The following LRRC4C variants were observed in gnomAD, a reference collection of about 807,000 sequenced individuals.
LRRC4C encodes leucine-rich repeat-containing protein 4C.
A neutral mutation model predicts 33.6 loss-of-function variants in LRRC4C; 5 were observed. The observed-to-expected ratio is 0.15, with a 90% CI of 0.08 to 0.31. The LOEUF (loss-of-function observed/expected upper bound fraction) is 0.31. LRRC4C is among the 10% of genes least tolerant of loss of function. LRRC4C has a pLI of 1.00. For synonymous variants in LRRC4C, 329 were observed against 302.0 expected, an observed-to-expected ratio of 1.09 and a Z score of -0.93; for missense variants, 560 against 796.7, an observed-to-expected ratio of 0.70 and a Z score of 3.58.
At chr11:41,068,793 A>G (rs181327164) in intron 1 of LRRC4C, among the ~76,000 whole-genome samples, 1 of 152,148 alleles carries the variant, frequency 6.6e-6, no homozygotes, top group African/African-American at 2.4e-5. Context: ...AACAAACAAA[A>G]AAAATGCCCA....
At chr11:40,751,174 A>G (rs1395148992) in intron 2 of LRRC4C, among the ~76,000 whole-genome samples, 1 of 152,174 alleles carries the variant, frequency 6.6e-6, no homozygotes, top group East Asian at 1.9e-4. Context: ...ATCAAGGGGG[A>G]AAAGTTGGAA....
intron 3 of LRRC4C, among the ~76,000 whole-genome samples, chr11:40,559,719 C>T (rs963757053): frequency 6.6e-6 from 1 of 152,086 alleles, no homozygotes; most frequent in African/African-American, 2.4e-5. Flanking sequence ...TTTTAAAAAA[C>T]TCATTATTTT....
At chr11:40,259,875 A>G (rs1867549558) in intron 4 of LRRC4C, among the ~76,000 whole-genome samples, 1 of 152,058 alleles carries the variant, frequency 6.6e-6, no homozygotes, top group African/African-American at 2.4e-5. Context: ...CACCAGTTAG[A>G]ATGTCGATCA....
chr11:40,192,068 A>T (rs975743523), intron 5 of LRRC4C, among the ~76,000 whole-genome samples: 2 of 152,112 alleles, frequency 1.3e-5, no homozygotes, highest in African/African-American at 2.4e-5. Flanking sequence ...GTCTAATCTG[A>T]AAGATTAGAC....
chr11:40,749,371 C>T (rs1216150111), intron 2 of LRRC4C, among the ~76,000 whole-genome samples: 1 of 150,098 alleles, frequency 6.7e-6, no homozygotes, highest in Non-Finnish European at 1.5e-5. Context: ...TGAACAACCA[C>T]TGGGTCAACA....
intron 1 of LRRC4C, among the ~76,000 whole-genome samples, chr11:41,288,071 G>T (rs1297083151): frequency 2.6e-5 from 4 of 152,124 alleles, no homozygotes; most frequent in Non-Finnish European, 5.9e-5. Flanking sequence ...CTCTGTGCCA[G>T]GTTCTCTACT....
In LRRC4C at chr11:40,925,604, G is replaced by A. The variant is rs1300824546; in HGVS notation, c.-407+8031C>T. On this transcript the variant is annotated intron_variant, in intron 2 of 6. Transcript: ENST00000528697. Reference sequence around the variant, plus strand: ...CTAATTTATTCCTCCAGGTAGAATAGATAACAAAAGGAAAGTTATAATAGG... The same window carrying A: ...CTAATTTATTCCTCCAGGTAGAATAAATAACAAAAGGAAAGTTATAATAGG... Among the ~76,000 whole-genome samples the A allele has an allele frequency of 2.6e-5, 4 of 152,260 alleles. 1 individual carries two copies. Among genetic ancestry groups the A allele is most frequent in the South Asian group, 2.1e-4 (1 of 4,830 alleles).
chr11:41,376,241 A>G (rs986835926), intron 1 of LRRC4C, among the ~76,000 whole-genome samples: 2 of 152,152 alleles, frequency 1.3e-5, no homozygotes, highest in Non-Finnish European at 2.9e-5. Flanking sequence ...CCTGGCCACA[A>G]GGGAGTGTGC....
chr11:40,789,093 GAAAAA>G (rs397956716), intron 2 of LRRC4C, among the ~76,000 whole-genome samples: 2 of 63,530 alleles, frequency 3.1e-5, no homozygotes, highest in African/African-American at 1.3e-4. Flanking sequence ...TCCGTCTCGG[GAAAAA>G]AAAAAAAAAA....
chr11:41,164,026 A>G (rs1164443142), intron 1 of LRRC4C, among the ~76,000 whole-genome samples: 1 of 152,200 alleles, frequency 6.6e-6, no homozygotes, highest in Non-Finnish European at 1.5e-5. Flanking sequence ...TGTAATGATT[A>G]AATCAAAATG....
intron 1 of LRRC4C, among the ~76,000 whole-genome samples, chr11:41,149,362 C>G (rs997522839): frequency 1.3e-5 from 2 of 151,866 alleles, no homozygotes; most frequent in African/African-American, 4.8e-5. Flanking sequence ...AAAAAATTAG[C>G]CGGGCGCAGT....
At chr11:41,371,737 C>T (rs1318902205) in intron 1 of LRRC4C, among the ~76,000 whole-genome samples, 1 of 152,192 alleles carries the variant, frequency 6.6e-6, no homozygotes, top group African/African-American at 2.4e-5. Context: ...CTTTGCTGAA[C>T]TCCTACCTAC....
chr11:41,086,612 A>C (rs1940006520), intron 1 of LRRC4C, among the ~76,000 whole-genome samples: 1 of 152,152 alleles, frequency 6.6e-6, no homozygotes, highest in South Asian at 2.1e-4. Flanking sequence ...CTATATTTTT[A>C]ATATGAAAAG....
At chr11:41,104,659 A>G (rs1941390775) in intron 1 of LRRC4C, among the ~76,000 whole-genome samples, 1 of 151,954 alleles carries the variant, frequency 6.6e-6, no homozygotes, top group African/African-American at 2.4e-5. Context: ...AGACTTGTAT[A>G]TAAATGTTCG....
chr11:40,995,110 CTGAG>C (rs909272311), intron 1 of LRRC4C, among the ~76,000 whole-genome samples: 2 of 152,100 alleles, frequency 1.3e-5, no homozygotes, highest in African/African-American at 4.8e-5. Context: ...TTTTTGAGAA[CTGAG>C]TATTTTTTTC....
At chr11:41,301,077 A>G (rs1950271859) in intron 1 of LRRC4C, among the ~76,000 whole-genome samples, 1 of 152,092 alleles carries the variant, frequency 6.6e-6, no homozygotes, top group Non-Finnish European at 1.5e-5. Context: ...AGTTAGTGGA[A>G]CCACTGAATT....
At chr11:41,408,985 G>C (rs1165389118) in intron 1 of LRRC4C, among the ~76,000 whole-genome samples, 1 of 152,150 alleles carries the variant, frequency 6.6e-6, no homozygotes, top group Non-Finnish European at 1.5e-5. Flanking sequence ...GAACAGCAGG[G>C]CGAATGCCTC....
intron 1 of LRRC4C, among the ~76,000 whole-genome samples, chr11:41,243,551 A>T (rs931316950): frequency 1.3e-5 from 2 of 152,190 alleles, no homozygotes; most frequent in Non-Finnish European, 2.9e-5. Flanking sequence ...ATGTGTGGCC[A>T]TGACCAAGTT....
At chr11:40,274,510 A>C (rs528218301) in intron 4 of LRRC4C, among the ~76,000 whole-genome samples, 13 of 151,438 alleles carry the variant, frequency 8.6e-5, no homozygotes, top group African/African-American at 2.7e-4. Context: ...CATGGATAGT[A>C]GCAGAAATAA....
Sources: allele counts gnomAD v4.1 joint callset (sites outside exome capture counted in the v4.1 genomes callset), GRCh38; gene constraint gnomAD v4.1.1; transcripts MANE v1.5; gene names NCBI Gene and HGNC (gene_info 2026-07-23, HGNC 2026-07-21).